Variants in ZKSCAN1 observed in about 807,000 individuals in gnomAD.
The protein encoded by ZKSCAN1 is zinc finger with KRAB and SCAN domains 1.
In ZKSCAN1, 14 loss-of-function variants were observed where a neutral mutation model predicts 51.6. The observed-to-expected ratio is 0.27, with a 90% CI of 0.18 to 0.42. The LOEUF is 0.42. ZKSCAN1 is among the 10% of genes least tolerant of loss of function. The pLI, the probability that ZKSCAN1 is intolerant of heterozygous loss-of-function variation, is 1.00. For missense variants in ZKSCAN1, 531 were observed against 710.0 expected, an observed-to-expected ratio of 0.75 and a Z score of 2.86; for synonymous variants, 263 against 261.5, an observed-to-expected ratio of 1.01 and a Z score of -0.06.
chr7:100,040,315 A>G lies in ZKSCAN1; in HGVS notation c.*6118A>G. 1 of 985,460 alleles carries G rather than the reference A, an allele frequency of 1.0e-6. No homozygotes were observed. The highest frequency in any genetic ancestry group is 1.2e-6 in the Non-Finnish European group (1 of 829,932). The allele number at this position is 985,460 out of a possible 1,614,324, so 61.0% of individuals were successfully genotyped here. Reference sequence around the variant, plus strand: ...AACTGGGTGTTTGGTAGACTTCTAAATCATGGTCTCTGACAATTTGAATCT... The same window carrying G: ...AACTGGGTGTTTGGTAGACTTCTAAGTCATGGTCTCTGACAATTTGAATCT... On this transcript the variant is annotated 3_prime_UTR_variant, in exon 6 of 6. Coordinates refer to ENST00000324306, the MANE Select transcript of ZKSCAN1 (RefSeq NM_003439.4).
intron 3 of ZKSCAN1, among the ~76,000 whole-genome samples, chr7:100,026,230 CAAAAAAAAAAAA>C (rs58408632): frequency 1.7e-4 from 8 of 47,274 alleles, no homozygotes; most frequent in South Asian, 8.8e-4. Flanking sequence ...AAACTCATCT[CAAAAAAAAAAAA>C]AAAAAAAAAA....
rs1485526074 is a variant in ZKSCAN1, at chr7:100,033,027, C to A, written c.800-278C>A. Among the ~76,000 whole-genome samples the A allele has an allele frequency of 6.6e-6, 1 of 151,244 alleles. No individual in the cohort carries two copies. Among genetic ancestry groups the A allele is most frequent in the Non-Finnish European group, 1.5e-5 (1 of 67,840 alleles). ...CATCTCAAAAAAAAAAAAAAGTTAC[C>A]CGGGCGTGGTAGCATGCACCTATAG... On this transcript the variant is annotated intron_variant, in intron 5 of 5. Coordinates refer to ENST00000324306, the MANE Select transcript of ZKSCAN1 (RefSeq NM_003439.4). The surrounding 1 kb of genome is among the most constrained non-coding windows in gnomAD (Gnocchi z 4.1).
At chr7:100,042,849 G>A (rs569506096), downstream of ZKSCAN1, among the ~76,000 whole-genome samples, 3 of 146,134 alleles carry the variant, frequency 2.1e-5, no homozygotes, top group African/African-American at 7.6e-5. Context: ...CCAGGCTGGC[G>A]TGCAGTGGCG....
chr7:100,024,945 A>T (rs1790759936), intron 3 of ZKSCAN1: 1 of 150,918 alleles, frequency 6.6e-6, no homozygotes, highest in Non-Finnish European at 1.5e-5. Context: ...TTAAAAAAAA[A>T]TGAAAAAAAG....
intron 3 of ZKSCAN1, among the ~76,000 whole-genome samples, chr7:100,027,981 G>C (rs1790916655): frequency 1.3e-5 from 2 of 152,050 alleles, no homozygotes; most frequent in Admixed American, 1.3e-4. Context: ...TAAATAAATT[G>C]AGACATGTAC....
chr7:100,036,061 G>C lies in ZKSCAN1; in HGVS notation c.*1864G>C, dbSNP rs1791349362. On this transcript the variant is annotated 3_prime_UTR_variant, in exon 6 of 6. Transcript: ENST00000324306. ...AACTATTACTCATCAGTCATTCACT[G>C]ATCAGCAGCTAAAGTCCATGAGACC... The C allele has an allele frequency of 6.1e-6, 6 of 985,416 alleles. No homozygotes were observed. Among genetic ancestry groups the C allele is most frequent in the Non-Finnish European group, 7.2e-6 (6 of 829,930 alleles). The allele number at this position is 985,416 out of a possible 1,614,324, so 61.0% of individuals were successfully genotyped here.
chr7:100,028,309 G>A (rs1356651901), intron 3 of ZKSCAN1, among the ~76,000 whole-genome samples: 2 of 151,710 alleles, frequency 1.3e-5, no homozygotes, highest in African/African-American at 4.8e-5. Context: ...CCGAGATCGC[G>A]CCATGCACAC....
In ZKSCAN1 at chr7:100,034,678, T is replaced by TGA. The variant is rs776256426; in HGVS notation, c.*482_*483insAG. 6.2e-4 allele frequency: 294 copies of TGA among 477,628 alleles called. No homozygotes were observed. Among genetic ancestry groups the TGA allele is most frequent in the Non-Finnish European group, 7.6e-4 (278 of 364,184 alleles). The allele number at this position is 477,628 out of a possible 1,614,324, so 29.6% of individuals were successfully genotyped here. A position where few individuals can be genotyped will look rare whatever the true frequency, so the allele number is the denominator to read the frequency against. On this transcript the variant is annotated 3_prime_UTR_variant, in exon 6 of 6. Coordinates refer to ENST00000324306, the MANE Select transcript of ZKSCAN1 (RefSeq NM_003439.4). ...AAACAAAAACGACATTGGGACATGC[T>TGA]GCTCAAGGTAGTTATATATACGATA...
chr7:100,044,448 A>C (rs1791673895), downstream of ZKSCAN1, among the ~76,000 whole-genome samples: 1 of 151,734 alleles, frequency 6.6e-6, no homozygotes, highest in African/African-American at 2.4e-5. Flanking sequence ...CAGGCGGATC[A>C]CGAGGTCGGG....
chr7:100,029,794 C>G, intron 3 of ZKSCAN1, 67 bp from the exon 4 acceptor site: 1 of 1,471,812 alleles, frequency 6.8e-7, no homozygotes, highest in East Asian at 2.3e-5. Flanking sequence ...GAACATGCCC[C>G]GAGCCCTTCT....
intron 5 of ZKSCAN1, among the ~76,000 whole-genome samples, chr7:100,031,439 A>T (rs939972876): frequency 6.6e-6 from 1 of 151,916 alleles, no homozygotes; most frequent in African/African-American, 2.4e-5. Context: ...CACCATGCCC[A>T]GCTAATTTTT....
intron 5 of ZKSCAN1, among the ~76,000 whole-genome samples, chr7:100,031,341 G>A (rs1791095876): frequency 7.2e-6 from 1 of 138,296 alleles, no homozygotes; most frequent in Non-Finnish European, 1.5e-5. Flanking sequence ...GCAGTGCTGC[G>A]ATCACAGCTC....
rs769685878 is a variant in ZKSCAN1, at chr7:100,030,301, G to A, written c.725G>A (p.Gly242Glu). 6.2e-7 allele frequency: 1 copy of A among 1,614,180 alleles called. No individual in the cohort carries two copies. Among genetic ancestry groups the A allele is most frequent in the Admixed American group, 1.7e-5 (1 of 60,012 alleles). Reference protein sequence around the residue: ...MAVSLILEEWGCQNLARRNLS... With the variant: ...MAVSLILEEWECQNLARRNLS... ...GTGTCCCTCATTCTGGAGGAATGGG[G>A]ATGTCAGAATCTGGCTCGGAGGAAT... Residue 242 changes from glycine to glutamate, a missense_variant, in exon 5 of 6, where the codon GGA (glycine) becomes GAA (glutamate). This residue lies in a region of ZKSCAN1 where 403 missense variants were observed against 490.5 expected (regional missense o/e 0.82). Transcript: ENST00000324306.
intron 5 of ZKSCAN1, among the ~76,000 whole-genome samples, chr7:100,032,420 C>T (rs983773998): frequency 6.6e-6 from 1 of 152,144 alleles, no homozygotes; most frequent in Non-Finnish European, 1.5e-5. Context: ...TCTCCCCATG[C>T]TCCCTCTGTT....
chr7:100,034,440 A>G lies in ZKSCAN1; in HGVS notation c.*243A>G. On this transcript the variant is annotated 3_prime_UTR_variant, in exon 6 of 6. Coordinates refer to ENST00000324306, the MANE Select transcript of ZKSCAN1 (RefSeq NM_003439.4). Reference sequence around the variant, plus strand: ...CGGATAATCCACGTGAGATTTCCACACAAGAGAAAAGCACACGCATAGTGA... The same window carrying G: ...CGGATAATCCACGTGAGATTTCCACGCAAGAGAAAAGCACACGCATAGTGA... 1 of 1,242,448 alleles carries G rather than the reference A, an allele frequency of 8.0e-7. No individual in the cohort carries two copies. The highest frequency in any genetic ancestry group is 1.0e-6 in the Non-Finnish European group (1 of 993,074). The allele number at this position is 1,242,448 out of a possible 1,614,324, so 77.0% of individuals were successfully genotyped here.
intron 1 of ZKSCAN1, among the ~76,000 whole-genome samples, chr7:100,021,738 CT>C (rs34068163): frequency 0.02 from 2,679 of 134,152 alleles, 21 homozygotes; most frequent in African/African-American, 0.026. Flanking sequence ...CTATAAGAAT[CT>C]TTTTTTTTTT....
At position 100,038,592 on chromosome 7, in the gene ZKSCAN1, C is replaced by T. The variant is rs1206964908; in HGVS notation, c.*4395C>T. The stretch of plus-strand genomic sequence containing the variant: ...TCAGTAGACGGTCTTCTCCATGAAG[C>T]GAGAGTAGGAAGTGTACTGGAATGG... On this transcript the variant is annotated 3_prime_UTR_variant, in exon 6 of 6. Coordinates refer to ENST00000324306, the MANE Select transcript of ZKSCAN1 (RefSeq NM_003439.4). 9.1e-6 allele frequency: 9 copies of T among 985,286 alleles called. No homozygotes were observed. In the South Asian group the frequency reaches 2.3e-4, roughly 26 times the overall value. 61.0% of individuals were successfully genotyped at this position (985,286 alleles called of 1,614,324 possible). A position where few individuals can be genotyped will look rare whatever the true frequency, so the allele number is the denominator to read the frequency against.
rs375648681 is a variant in ZKSCAN1 at position 100,034,119 on chromosome 7, C to T, written c.1614C>T (p.Ile538=). The change falls in exon 6 of 6, where the codon ATC becomes ATT. Residue 538 remains isoleucine, a synonymous_variant. Coordinates refer to ENST00000324306, the MANE Select transcript of ZKSCAN1 (RefSeq NM_003439.4). ...RSSTLTLHHR[I]HARERASEYS... ...CCACCCTCACTCTGCATCACAGAAT[C>T]CATGCCAGAGAGAGAGCCTCTGAGT... 1.9e-6 allele frequency: 3 copies of T among 1,600,906 alleles called. No homozygotes were observed. The highest frequency in any genetic ancestry group is 2.7e-5 in the African/African-American group (2 of 74,714).
At chr7:100,029,815 C>G in intron 3 of ZKSCAN1, 46 bp from the exon 4 acceptor site, 1 of 1,584,552 alleles carries the variant, frequency 6.3e-7, no homozygotes, top group Non-Finnish European at 8.7e-7. Flanking sequence ...TTGAGCAAGG[C>G]TCAGAGCGGA....
Sources: gnomAD v4.1 joint callset for allele counts (sites outside exome capture counted in the v4.1 genomes callset) on GRCh38, gnomAD v4.1.1 for gene constraint, gnomAD v4.1.1 regional missense constraint, Gnocchi (gnomAD v3.1) non-coding constraint, MANE v1.5 for transcripts, NCBI Gene and HGNC (gene_info 2026-07-23, HGNC 2026-07-21) for gene names.